Variants in SORCS2 observed in about 807,000 individuals in gnomAD.
SORCS2 encodes the protein VPS10 domain-containing receptor SorCS2.
A neutral mutation model predicts 141.6 loss-of-function variants in SORCS2; 100 were observed. The observed-to-expected ratio is 0.71, with a 90% CI of 0.60 to 0.83. The LOEUF (loss-of-function observed/expected upper bound fraction) is 0.83. SORCS2 is among the 40% of genes least tolerant of loss of function. The pLI is 0.00. For missense variants in SORCS2, 1,646 were observed against 1,560.2 expected (o/e 1.05, Z -0.93); for synonymous variants, 789 against 676.9 (o/e 1.17, Z -2.57).
intron 1 of SORCS2, among the ~76,000 whole-genome samples, chr4:7,221,510 T>C (rs1449997945): frequency 6.6e-6 from 1 of 152,240 alleles, no homozygotes; most frequent in Non-Finnish European, 1.5e-5. Context: ...TGGGGGCAGG[T>C]TCGGATTACC....
intron 2 of SORCS2, among the ~76,000 whole-genome samples, chr4:7,515,130 C>T (rs1732892521): frequency 6.6e-6 from 1 of 152,166 alleles, no homozygotes; most frequent in South Asian, 2.1e-4. Context: ...TGTGGGGACG[C>T]TCCCTGCCTC....
At chr4:7,706,965 C>T (rs946071832) in intron 14 of SORCS2, among the ~76,000 whole-genome samples, 4 of 152,296 alleles carry the variant, frequency 2.6e-5, no homozygotes, top group South Asian at 2.1e-4. Flanking sequence ...GCTCACCACC[C>T]GTCACCCCCA....
At chr4:7,322,761 A>G (rs1327954061) in intron 1 of SORCS2, among the ~76,000 whole-genome samples, 1 of 152,136 alleles carries the variant, frequency 6.6e-6, no homozygotes, top group East Asian at 1.9e-4. Flanking sequence ...TTTGGATTCA[A>G]ATGGGGGAGG....
At chr4:7,434,706 G>T (rs141587138) in intron 2 of SORCS2, 2 of 1,612,736 alleles carry the variant, frequency 1.2e-6, no homozygotes, top group African/African-American at 2.7e-5. Context: ...GAGACTTCGC[G>T]GTGGGTTTGT....
intron 5 of SORCS2, 25 bp from the exon 6 acceptor site, chr4:7,661,475 C>A (rs1012138767): frequency 3.9e-6 from 6 of 1,551,172 alleles, no homozygotes; most frequent in Non-Finnish European, 5.2e-6. Flanking sequence ...CATTCCCGAC[C>A]CCAGCCTCAG....
At chr4:7,517,151 A>G (rs1000026934) in intron 2 of SORCS2, among the ~76,000 whole-genome samples, 1 of 152,184 alleles carries the variant, frequency 6.6e-6, no homozygotes, top group African/African-American at 2.4e-5. Flanking sequence ...GATCAGACAC[A>G]CTGAGGACAC....
chr4:7,693,936 G>C (rs764023961), intron 11 of SORCS2, among the ~76,000 whole-genome samples: 1 of 152,198 alleles, frequency 6.6e-6, no homozygotes, highest in Non-Finnish European at 1.5e-5. Flanking sequence ...GACACTCACC[G>C]GGCCCTTCTA....
rs192844417 is a variant in SORCS2, at chr4:7,722,886, G to C, written c.2425-811G>C. Among the ~76,000 whole-genome samples, 112 of 152,296 alleles carry C rather than the reference G, an allele frequency of 7.4e-4. 1 individual carries two copies. Among genetic ancestry groups the C allele is most frequent in the African/African-American group, 2.6e-3 (109 of 41,556 alleles). On this transcript the variant is annotated intron_variant, in intron 18 of 26. Coordinates refer to ENST00000507866, the MANE Select transcript of SORCS2 (RefSeq NM_020777.3). ...TGGCTAAGTGGTTAGTAATCACGCTGTTTCCTCCATCATCACTAGGAAACG... is the reference window on the plus strand; with the variant it reads ...TGGCTAAGTGGTTAGTAATCACGCTCTTTCCTCCATCATCACTAGGAAACG...
intron 3 of SORCS2, among the ~76,000 whole-genome samples, chr4:7,637,823 AGCCTGACCCAG>A (rs1330812304): frequency 6.7e-6 from 1 of 149,698 alleles, no homozygotes; most frequent in Non-Finnish European, 1.5e-5. Flanking sequence ...TGTAAGGAGA[AGCCTGACCCAG>A]GCACTCCATG....
At chr4:7,305,828 G>C (rs1390683393) in intron 1 of SORCS2, among the ~76,000 whole-genome samples, 1 of 152,194 alleles carries the variant, frequency 6.6e-6, no homozygotes, top group African/African-American at 2.4e-5. Flanking sequence ...CCAGAGCACA[G>C]TCCCCTCCCC....
intron 2 of SORCS2, among the ~76,000 whole-genome samples, chr4:7,462,699 C>T (rs987017097): frequency 2.0e-5 from 3 of 151,638 alleles, no homozygotes; most frequent in Admixed American, 6.6e-5. Context: ...GGGTCTGGCA[C>T]GCAGGAGGAG....
chr4:7,322,972 G>GTTT (rs777304639), intron 1 of SORCS2, among the ~76,000 whole-genome samples: 1 of 151,580 alleles, frequency 6.6e-6, no homozygotes, highest in Non-Finnish European at 1.5e-5. Context: ...GGCCCTGCCC[G>GTTT]TTTTTTATCT....
intron 3 of SORCS2, among the ~76,000 whole-genome samples, chr4:7,564,891 G>T (rs1714857335): frequency 6.6e-6 from 1 of 152,154 alleles, no homozygotes; most frequent in Non-Finnish European, 1.5e-5. Flanking sequence ...GCTTGCCTTA[G>T]TTACCTGTAT....
intron 3 of SORCS2, among the ~76,000 whole-genome samples, chr4:7,634,727 A>G (rs1240649973): frequency 1.3e-5 from 2 of 152,088 alleles, no homozygotes; most frequent in Non-Finnish European, 2.9e-5. Flanking sequence ...TGTGGAAAGG[A>G]GAAGAGTGAC....
chr4:7,505,871 A>C (rs1732247252), intron 2 of SORCS2, among the ~76,000 whole-genome samples: 1 of 152,210 alleles, frequency 6.6e-6, no homozygotes, highest in African/African-American at 2.4e-5. Flanking sequence ...GTGAAGATTC[A>C]GTGGCAGTCG....
intron 3 of SORCS2, among the ~76,000 whole-genome samples, chr4:7,539,926 C>G (rs1265826301): frequency 6.6e-6 from 1 of 151,218 alleles, no homozygotes; most frequent in Non-Finnish European, 1.5e-5. Context: ...GCCCCACCCC[C>G]TTCCTGCTGT....
intron 1 of SORCS2, among the ~76,000 whole-genome samples, chr4:7,348,928 C>G (rs1720787488): frequency 6.6e-6 from 1 of 152,190 alleles, no homozygotes; most frequent in African/African-American, 2.4e-5. Flanking sequence ...AGCGGCCTCA[C>G]TTTGTTGGAA....
intron 11 of SORCS2, among the ~76,000 whole-genome samples, chr4:7,694,307 C>A (rs1203175695): frequency 1.3e-5 from 2 of 152,100 alleles, no homozygotes; most frequent in African/African-American, 2.4e-5. Flanking sequence ...CTCATCACCT[C>A]CCTCCACCCT....
In SORCS2 at chr4:7,259,372, C is replaced by A. The variant is rs1714156394; in HGVS notation, c.480+66246C>A. Among the ~76,000 whole-genome samples, 4 of 152,218 alleles carry A rather than the reference C, an allele frequency of 2.6e-5. No individual in the cohort carries two copies. The South Asian group carries it at 8.3e-4, about 31-fold the overall frequency. On this transcript the variant is annotated intron_variant, in intron 1 of 26. Transcript: ENST00000507866. ...TGTGGGACTCAGGATCTCCTCAGAACCCACATTCTCAAGCACAGATAGAAT... is the reference window on the plus strand; with the variant it reads ...TGTGGGACTCAGGATCTCCTCAGAAACCACATTCTCAAGCACAGATAGAAT...
Sources: allele counts gnomAD v4.1 joint callset (sites outside exome capture counted in the v4.1 genomes callset), GRCh38; gene constraint gnomAD v4.1.1; transcripts MANE v1.5; gene names NCBI Gene and HGNC (gene_info 2026-07-23, HGNC 2026-07-21).